Variants in DOCK1 observed in about 807,000 individuals in gnomAD.
DOCK1 encodes dedicator of cytokinesis protein 1.
In DOCK1, 138 loss-of-function variants were observed where a neutral mutation model predicts 262.7. That is an observed-to-expected ratio of 0.53 (90% CI 0.46 to 0.61). The LOEUF is 0.61. Ranked by LOEUF, DOCK1 falls within the 20% of genes least tolerant of loss-of-function variation. The pLI, the probability that DOCK1 is intolerant of heterozygous loss-of-function variation, is 0.00. For synonymous variants in DOCK1, 866 were observed against 867.4 expected (o/e 1.00, Z 0.03); for missense variants, 1,908 against 2,370.7 (o/e 0.80, Z 4.05).
chr10:127,240,062 AC>A (rs1212323749), intron 27 of DOCK1, among the ~76,000 whole-genome samples: 2 of 152,142 alleles, frequency 1.3e-5, no homozygotes, highest in African/African-American at 4.8e-5. Flanking sequence ...TTCTGCAATT[AC>A]TGCCACTATA....
chr10:126,909,188 A>T (rs2031390969), intron 1 of DOCK1, among the ~76,000 whole-genome samples: 1 of 152,156 alleles, frequency 6.6e-6, no homozygotes, highest in Non-Finnish European at 1.5e-5. Context: ...TGGCCCTGAG[A>T]TGTAGGGGCT....
chr10:126,923,493 A>G (rs994720443), intron 1 of DOCK1, among the ~76,000 whole-genome samples: 1 of 151,020 alleles, frequency 6.6e-6, no homozygotes, highest in African/African-American at 2.4e-5. Context: ...GTGTGGTGGC[A>G]GGTGCCTGTA....
chr10:126,965,351 G>A (rs926846776), intron 1 of DOCK1, among the ~76,000 whole-genome samples: 5,175 of 152,240 alleles, frequency 0.034, 249 homozygotes, highest in African/African-American at 0.11. Context: ...AGGAGGGTGA[G>A]GGGGCTGAGA....
chr10:127,248,171 G>A (rs1332912424), intron 28 of DOCK1, 62 bp downstream of exon 28: 1 of 1,362,458 alleles, frequency 7.3e-7, no homozygotes, highest in African/African-American at 1.4e-5. Context: ...TTAGACAAAA[G>A]CCTGATATCA....
chr10:127,402,108 C>T (rs945664233), intron 38 of DOCK1, among the ~76,000 whole-genome samples: 1 of 152,180 alleles, frequency 6.6e-6, no homozygotes, highest in Non-Finnish European at 1.5e-5. Flanking sequence ...GTTAAGCAGG[C>T]CCTGGATTAA....
At chr10:127,425,451 A>G (rs757268766) in intron 46 of DOCK1, among the ~76,000 whole-genome samples, 6 of 152,242 alleles carry the variant, frequency 3.9e-5, no homozygotes, top group Non-Finnish European at 8.8e-5. Flanking sequence ...ATTTTTCAGG[A>G]CTATAGATCA....
At chr10:127,426,830 G>T (rs1374577638) in intron 47 of DOCK1, among the ~76,000 whole-genome samples, 1 of 152,208 alleles carries the variant, frequency 6.6e-6, no homozygotes, top group Non-Finnish European at 1.5e-5. Flanking sequence ...TCTGAGCAAA[G>T]GCTGGCATCA....
chr10:127,406,157 C>T (rs1346084465), intron 40 of DOCK1, among the ~76,000 whole-genome samples: 2 of 152,094 alleles, frequency 1.3e-5, no homozygotes, highest in Admixed American at 6.6e-5. Context: ...CGTGTGGCCC[C>T]TGTGGATGGA....
intron 46 of DOCK1, among the ~76,000 whole-genome samples, chr10:127,424,494 T>A (rs1355843303): frequency 1.3e-5 from 2 of 152,220 alleles, no homozygotes. Flanking sequence ...AGGGTGGCTG[T>A]GCTTTCACCT....
At chr10:127,349,615 C>G (rs1264359660) in intron 31 of DOCK1, among the ~76,000 whole-genome samples, 2 of 152,184 alleles carry the variant, frequency 1.3e-5, no homozygotes, top group African/African-American at 2.4e-5. Flanking sequence ...GCTGGTCTGC[C>G]ATAACAGTGA....
rs951089384 is a variant in DOCK1, at chr10:127,034,598, C to T, written c.1912+2278C>T. Among the ~76,000 whole-genome samples, 5 of 152,130 alleles carry T rather than the reference C, an allele frequency of 3.3e-5. 1 individual carries two copies. The South Asian group carries it at 8.3e-4, about 25-fold the overall frequency. ...GATGTGGCCTTGATAGCTCCACTCG[C>T]CTGACAGATGACAGCATCCAGAGCC... On this transcript the variant is annotated intron_variant, in intron 18 of 51. Transcript: ENST00000623213.
intron 10 of DOCK1, among the ~76,000 whole-genome samples, chr10:127,004,769 G>GCCCCCCCCCCCCCCC (rs1285670669): frequency 7.0e-5 from 1 of 14,274 alleles, no homozygotes; most frequent in Non-Finnish European, 1.4e-4. Flanking sequence ...CCCCTGCCCC[G>GCCCCCCCCCCCCCCC]CCACCCCCCC....
intron 29 of DOCK1, among the ~76,000 whole-genome samples, chr10:127,291,247 C>T (rs1289166528): frequency 6.6e-6 from 1 of 152,222 alleles, no homozygotes; most frequent in Non-Finnish European, 1.5e-5. Context: ...ACCATTTGCA[C>T]ACATGTGAGG....
chr10:127,146,053 C>G (rs776977517), intron 27 of DOCK1: 5 of 518,398 alleles, frequency 9.6e-6, no homozygotes, highest in Non-Finnish European at 1.9e-5. Context: ...CCCTAGACAT[C>G]GTGGCCAGGA....
At chr10:127,159,411 C>A (rs778973254) in intron 27 of DOCK1, among the ~76,000 whole-genome samples, 20 of 152,242 alleles carry the variant, frequency 1.3e-4, no homozygotes, top group Middle Eastern at 6.8e-3. Flanking sequence ...GGCTCTAATT[C>A]TTCAGTTGTT....
chr10:127,323,424 C>G (rs2062623258), intron 29 of DOCK1, among the ~76,000 whole-genome samples: 1 of 152,126 alleles, frequency 6.6e-6, no homozygotes, highest in South Asian at 2.1e-4. Context: ...TCCTTTCAGC[C>G]AATTGTGCTG....
chr10:127,304,284 C>T (rs897704405), intron 29 of DOCK1, among the ~76,000 whole-genome samples: 4 of 152,154 alleles, frequency 2.6e-5, no homozygotes, highest in African/African-American at 9.7e-5. Flanking sequence ...TTACCCTAGC[C>T]GCTTGTTATG....
At chr10:127,057,361 C>T (rs2045231063) in intron 22 of DOCK1, among the ~76,000 whole-genome samples, 1 of 152,168 alleles carries the variant, frequency 6.6e-6, no homozygotes, top group South Asian at 2.1e-4. Flanking sequence ...TCCTATAGTG[C>T]AATAGCTTTG....
chr10:127,221,475 G>A (rs1478726341), intron 27 of DOCK1, among the ~76,000 whole-genome samples: 2 of 152,258 alleles, frequency 1.3e-5, no homozygotes, highest in East Asian at 3.9e-4. Flanking sequence ...CAGGTGAGAG[G>A]GTGGCTGTGC....
Sources: gnomAD v4.1 joint callset for allele counts (sites outside exome capture counted in the v4.1 genomes callset) on GRCh38, gnomAD v4.1.1 for gene constraint, MANE v1.5 for transcripts, NCBI Gene and HGNC (gene_info 2026-07-23, HGNC 2026-07-21) for gene names.